The following RAB3IP variants were observed in gnomAD, a reference collection of about 807,000 sequenced individuals.
The protein encoded by RAB3IP is rab-3A-interacting protein.
A neutral mutation model predicts 59.1 loss-of-function variants in RAB3IP; 36 were observed. The ratio of observed to expected loss-of-function variants is 0.61; its 90% CI spans 0.47 to 0.80. RAB3IP has a LOEUF of 0.80. RAB3IP is among the 30% of genes least tolerant of loss of function. The pLI, the probability that RAB3IP is intolerant of heterozygous loss-of-function variation, is 0.00. For synonymous variants in RAB3IP, 207 were observed against 191.2 expected (o/e 1.08, Z -0.68); for missense variants, 511 against 536.0 (o/e 0.95, Z 0.46).
intron 6 of RAB3IP, among the ~76,000 whole-genome samples, chr12:69,799,233 T>C (rs141432002): frequency 1.2e-4 from 19 of 152,306 alleles, no homozygotes; most frequent in African/African-American, 4.6e-4. Context: ...CACATCTGAT[T>C]GAGCTATCCT....
At position 69,817,337 on chromosome 12, in the gene RAB3IP, A is replaced by G. The variant is rs904244185; in HGVS notation, c.*1891A>G. 4 of 152,106 alleles carry G rather than the reference A, an allele frequency of 2.6e-5. No individual in the cohort carries two copies. The highest frequency in any genetic ancestry group is 9.7e-5 in the African/African-American group (4 of 41,420). 9.4% of individuals were successfully genotyped at this position (152,106 alleles called of 1,614,324 possible). A position where few individuals can be genotyped will look rare whatever the true frequency, so the allele number is the denominator to read the frequency against. ...AACAGGATGACGACTTGATGTAGAA[A>G]CTATATGTGGAATTATAGATTAAAA... On this transcript the variant is annotated 3_prime_UTR_variant, in exon 11 of 11. Coordinates refer to ENST00000247833, the MANE Select transcript of RAB3IP (RefSeq NM_022456.5).
In RAB3IP at chr12:69,794,184, G is replaced by A. The variant is rs146696107; in HGVS notation, c.607-253G>A. ...CCTTCGTCACATTCACAGTCCTTAC[G>A]CAAGTATCTATCCGGATGATTGATC... On this transcript the variant is annotated intron_variant, in intron 4 of 10. Coordinates refer to ENST00000247833, the MANE Select transcript of RAB3IP (RefSeq NM_022456.5). Among the ~76,000 whole-genome samples, 5 of 152,240 alleles carry A rather than the reference G, an allele frequency of 3.3e-5. No individual in the cohort carries two copies. In the East Asian group the frequency reaches 7.7e-4, roughly 24 times the overall value.
At chr12:69,780,319 G>C (rs1874472919) in intron 3 of RAB3IP, among the ~76,000 whole-genome samples, 1 of 152,210 alleles carries the variant, frequency 6.6e-6, no homozygotes, top group African/African-American at 2.4e-5. Flanking sequence ...TGGTGAGCTT[G>C]CACCAGTGGC....
chr12:69,805,794 T>C (rs1467785954), intron 8 of RAB3IP, among the ~76,000 whole-genome samples: 2 of 152,224 alleles, frequency 1.3e-5, no homozygotes, highest in African/African-American at 2.4e-5. Context: ...TATGCTGGAT[T>C]ACGTTTATTG....
At chr12:69,779,388 G>A (rs1341753814) in intron 3 of RAB3IP, among the ~76,000 whole-genome samples, 22 of 151,488 alleles carry the variant, frequency 1.5e-4, no homozygotes, top group African/African-American at 4.6e-4. Context: ...CGTCGCTCAC[G>A]CTGGTAGCTG....
At chr12:69,744,232 G>A (rs914929667) in intron 1 of RAB3IP, among the ~76,000 whole-genome samples, 5 of 151,232 alleles carry the variant, frequency 3.3e-5, no homozygotes, top group Admixed American at 6.6e-5. Context: ...GAGAACATGC[G>A]GTGTTCTGTT....
chr12:69,806,890 T>C (rs1879399613), intron 8 of RAB3IP, among the ~76,000 whole-genome samples: 1 of 152,008 alleles, frequency 6.6e-6, no homozygotes, highest in South Asian at 2.1e-4. Flanking sequence ...GAGCACGGGG[T>C]TGGGGGTAAG....
intron 8 of RAB3IP, among the ~76,000 whole-genome samples, chr12:69,805,411 T>C (rs893656450): frequency 8.5e-5 from 13 of 152,068 alleles, no homozygotes. Context: ...GACGATGGGG[T>C]TTTCTATGTG....
Position 69,792,813 on chromosome 12 carries a change from C to G in RAB3IP, c.607-1624C>G, listed in dbSNP as rs1042978105. On this transcript the variant is annotated intron_variant, in intron 4 of 10. Transcript: ENST00000247833. Reference sequence around the variant, plus strand: ...TCTAAGTTTACTTCACTATTTTGTTCTCAGATACCTTCAAACATATTTTAA... The same window carrying G: ...TCTAAGTTTACTTCACTATTTTGTTGTCAGATACCTTCAAACATATTTTAA... Among the ~76,000 whole-genome samples, 13 of 152,246 alleles carry G rather than the reference C, an allele frequency of 8.5e-5. No homozygotes were observed. The East Asian group carries it at 2.5e-3, about 29-fold the overall frequency.
chr12:69,790,845 A>G (rs1173342999), intron 4 of RAB3IP, among the ~76,000 whole-genome samples: 1 of 152,196 alleles, frequency 6.6e-6, no homozygotes, highest in Non-Finnish European at 1.5e-5. Context: ...CAGCCTCCCA[A>G]AGTGCTGGGA....
At chr12:69,747,870 A>G (rs1868580568) in intron 1 of RAB3IP, among the ~76,000 whole-genome samples, 1 of 152,216 alleles carries the variant, frequency 6.6e-6, no homozygotes, top group Admixed American at 6.5e-5. Context: ...GATAGATCTC[A>G]GAGCTTGATC....
chr12:69,763,324 CTG>C (rs951804769), intron 3 of RAB3IP, among the ~76,000 whole-genome samples: 6 of 152,196 alleles, frequency 3.9e-5, no homozygotes, highest in South Asian at 4.1e-4. Context: ...TCTGCTAAAA[CTG>C]TGACTAACTT....
In RAB3IP at chr12:69,801,675, C is replaced by T. The variant is rs768895676; in HGVS notation, c.1084C>T (p.Pro362Ser). 5.6e-6 allele frequency: 9 copies of T among 1,612,838 alleles called. No individual in the cohort carries two copies. Among genetic ancestry groups the T allele is most frequent in the Non-Finnish European group, 5.1e-6 (6 of 1,179,288 alleles). Residue 362 changes from proline to serine, a missense_variant, in exon 8 of 11, where the codon CCT becomes TCT. By Grantham distance (74) the Pro-to-Ser change is moderately conservative. Coordinates refer to ENST00000247833, the MANE Select transcript of RAB3IP (RefSeq NM_022456.5). The stretch of plus-strand genomic sequence containing the variant: ...AAGCATTGAACCAGTGGGATTACAA[C>T]CTATCCGGTTTGTGAAAGCTTCTGC... ...TLSIEPVGLQ[P>S]IRFVKASAVE...
intron 2 of RAB3IP, 65 bp downstream of exon 2, chr12:69,755,724 T>C: frequency 3.7e-6 from 5 of 1,347,934 alleles, no homozygotes; most frequent in Non-Finnish European, 5.1e-6. Context: ...AGTTACTATA[T>C]TTTAAGTTTT....
intron 3 of RAB3IP, among the ~76,000 whole-genome samples, chr12:69,766,865 T>G (rs1872298237): frequency 6.6e-6 from 1 of 152,228 alleles, no homozygotes; most frequent in African/African-American, 2.4e-5. Context: ...TATTTCTTCT[T>G]TTATTTCCTG....
At chr12:69,755,277 T>C (rs781732514) in intron 1 of RAB3IP, 107 bp from the exon 2 acceptor site, 6 of 1,025,804 alleles carry the variant, frequency 5.8e-6, no homozygotes, top group Non-Finnish European at 8.4e-6. Flanking sequence ...TATTGTAAGC[T>C]TATAATTTAC....
At chr12:69,782,308 G>C (rs1292025142) in intron 3 of RAB3IP, among the ~76,000 whole-genome samples, 6 of 152,168 alleles carry the variant, frequency 3.9e-5, no homozygotes, top group African/African-American at 1.2e-4. Flanking sequence ...GGGATTACAG[G>C]CACGCGCCAC....
intron 8 of RAB3IP, among the ~76,000 whole-genome samples, chr12:69,811,197 A>G (rs1248731245): frequency 6.6e-6 from 1 of 152,160 alleles, no homozygotes; most frequent in Non-Finnish European, 1.5e-5. Flanking sequence ...ACACATGGAC[A>G]CATAGAAGGG....
chr12:69,804,672 A>T (rs1218284937), intron 8 of RAB3IP, among the ~76,000 whole-genome samples: 1 of 151,466 alleles, frequency 6.6e-6, no homozygotes, highest in Admixed American at 6.6e-5. Flanking sequence ...TAATTTTTGT[A>T]TAAGGTGTAA....
Sources: gnomAD v4.1 joint callset for allele counts (sites outside exome capture counted in the v4.1 genomes callset) on GRCh38, gnomAD v4.1.1 for gene constraint, MANE v1.5 for transcripts, NCBI Gene and HGNC (gene_info 2026-07-23, HGNC 2026-07-21) for gene names.